Variants in PRKG1 observed in about 807,000 individuals in gnomAD.
PRKG1 encodes the protein protein kinase cGMP-dependent 1.
Under a neutral mutation model 88.1 loss-of-function variants are expected in PRKG1, and 35 were observed. The ratio of observed to expected loss-of-function variants is 0.40; its 90% CI spans 0.30 to 0.53. The LOEUF is 0.53. Ranked by LOEUF, PRKG1 falls within the 20% of genes least tolerant of loss-of-function variation. The pLI is 0.59. For synonymous variants in PRKG1, 303 were observed against 292.5 expected (o/e 1.04, Z -0.37); for missense variants, 540 against 839.8 (o/e 0.64, Z 4.41).
At chr10:51,454,262 A>T (rs1040693255) in intron 2 of PRKG1, among the ~76,000 whole-genome samples, 1 of 152,040 alleles carries the variant, frequency 6.6e-6, no homozygotes. Context: ...ATTTATATGG[A>T]ACTAAAAATG....
chr10:51,279,555 G>A (rs1205627737), intron 2 of PRKG1, among the ~76,000 whole-genome samples: 5 of 152,262 alleles, frequency 3.3e-5, no homozygotes, highest in East Asian at 1.9e-4. Flanking sequence ...ATGAATCTGG[G>A]TGCCCCTGTA....
chr10:51,669,088 T>G (rs1348746148), intron 3 of PRKG1, among the ~76,000 whole-genome samples: 1 of 152,238 alleles, frequency 6.6e-6, no homozygotes, highest in Non-Finnish European at 1.5e-5. Context: ...TTCTACATAC[T>G]CTTCTCCTGC....
intron 2 of PRKG1, among the ~76,000 whole-genome samples, chr10:51,434,085 A>T (rs1311648286): frequency 6.6e-6 from 1 of 152,114 alleles, no homozygotes; most frequent in Admixed American, 6.6e-5. Context: ...GTGCATTGCA[A>T]CTGTCATTCA....
intron 2 of PRKG1, among the ~76,000 whole-genome samples, chr10:51,215,629 G>A (rs1386790659): frequency 1.3e-5 from 2 of 152,160 alleles, no homozygotes; most frequent in African/African-American, 4.8e-5. Flanking sequence ...CTTTGGTCAA[G>A]AAGGGATGAA....
chr10:51,875,473 A>G (rs920208776), intron 4 of PRKG1, among the ~76,000 whole-genome samples: 1 of 151,944 alleles, frequency 6.6e-6, no homozygotes, highest in Admixed American at 6.6e-5. Context: ...GGGTCTCGCT[A>G]TGCTGCCTGG....
intron 2 of PRKG1, among the ~76,000 whole-genome samples, chr10:51,366,556 A>C (rs1842594025): frequency 6.6e-6 from 1 of 151,936 alleles, no homozygotes; most frequent in African/African-American, 2.4e-5. Context: ...ACCTATCTGT[A>C]AATACAGTTA....
chr10:52,259,343 T>G (rs1223651736), intron 10 of PRKG1, among the ~76,000 whole-genome samples: 3 of 152,054 alleles, frequency 2.0e-5, no homozygotes, highest in Non-Finnish European at 4.4e-5. Flanking sequence ...AAATTTCATG[T>G]AAACACTTTC....
chr10:51,723,406 A>G lies in PRKG1; in HGVS notation c.593-81179A>G, dbSNP rs528161040. On this transcript the variant is annotated intron_variant, in intron 3 of 17. Transcript: ENST00000373980. ...CAAACACCACATGTTCTCACTCATA[A>G]GTGGGAATTGAACAACAAGAGCACA... 2.0e-5 allele frequency among the ~76,000 whole-genome samples: 3 copies of G among 152,310 alleles called. No homozygotes were observed. The South Asian group carries it at 6.2e-4, about 32-fold the overall frequency.
chr10:51,519,461 T>C lies in PRKG1; in HGVS notation c.592+51625T>C, dbSNP rs1260980119. On this transcript the variant is annotated intron_variant, in intron 3 of 17. Transcript: ENST00000373980. ...TAAGGTACAACAAATCTAAGAACTT[T>C]CTTACATTTTGAGAAACACTTGGAA... 2.0e-5 allele frequency among the ~76,000 whole-genome samples: 3 copies of C among 152,134 alleles called. 1 individual carries two copies. Among genetic ancestry groups the C allele is most frequent in the Non-Finnish European group, 4.4e-5 (3 of 67,996 alleles).
chr10:51,562,327 G>C (rs1837487819), intron 3 of PRKG1, among the ~76,000 whole-genome samples: 2 of 151,968 alleles, frequency 1.3e-5, no homozygotes, highest in Admixed American at 1.3e-4. Context: ...TATTTATAAA[G>C]AGGCTGAGAG....
intron 1 of PRKG1, among the ~76,000 whole-genome samples, chr10:51,088,070 A>T (rs958136781): frequency 1.3e-5 from 2 of 152,186 alleles, no homozygotes; most frequent in Non-Finnish European, 2.9e-5. Flanking sequence ...CAACCTCTAT[A>T]TTCAAATTTT....
chr10:51,887,821 C>T (rs1000062297), intron 4 of PRKG1, among the ~76,000 whole-genome samples: 1 of 152,088 alleles, frequency 6.6e-6, no homozygotes, highest in African/African-American at 2.4e-5. Flanking sequence ...GTAGGAGACT[C>T]TCCTTTATAT....
intron 3 of PRKG1, among the ~76,000 whole-genome samples, chr10:51,640,341 T>A (rs1839766989): frequency 6.6e-6 from 1 of 152,218 alleles, no homozygotes; most frequent in African/African-American, 2.4e-5. Context: ...AATCTGAAGC[T>A]ACCAGAGGAA....
chr10:52,083,796 G>A (rs1846840741), intron 7 of PRKG1, among the ~76,000 whole-genome samples: 1 of 151,966 alleles, frequency 6.6e-6, no homozygotes. Flanking sequence ...TTTATTTTAT[G>A]TTAAACCTGA....
chr10:51,745,675 T>A (rs1477399107), intron 3 of PRKG1, among the ~76,000 whole-genome samples: 1 of 152,114 alleles, frequency 6.6e-6, no homozygotes, highest in Admixed American at 6.6e-5. Context: ...AAGGAAGGAA[T>A]GCAAGTGATA....
intron 2 of PRKG1, among the ~76,000 whole-genome samples, chr10:51,334,852 G>A (rs1017492273): frequency 6.6e-6 from 1 of 152,080 alleles, no homozygotes; most frequent in African/African-American, 2.4e-5. Context: ...GGGAATCAGG[G>A]TGCCTAAAAG....
intron 4 of PRKG1, among the ~76,000 whole-genome samples, chr10:51,902,404 C>G (rs1034896214): frequency 3.3e-5 from 5 of 152,138 alleles, no homozygotes; most frequent in South Asian, 2.1e-4. Flanking sequence ...GTGTGAGCCA[C>G]CACACCTGGC....
At chr10:51,062,581 C>G (rs1843704364) in intron 1 of PRKG1, 1 of 152,014 alleles carries the variant, frequency 6.6e-6, no homozygotes, top group Non-Finnish European at 1.5e-5. Context: ...ATAAGATAAT[C>G]TCTTGAATAA....
intron 1 of PRKG1, among the ~76,000 whole-genome samples, chr10:50,998,996 T>C (rs1842861587): frequency 6.6e-6 from 1 of 152,218 alleles, no homozygotes. Flanking sequence ...CTTTGGGGTA[T>C]ACTATGTTGA....
Sources: gnomAD v4.1 joint callset for allele counts (sites outside exome capture counted in the v4.1 genomes callset) on GRCh38, gnomAD v4.1.1 for gene constraint, MANE v1.5 for transcripts, NCBI Gene and HGNC (gene_info 2026-07-23, HGNC 2026-07-21) for gene names.